GPR155: variants seen among roughly 807,000 people sequenced by gnomAD.
GPR155 encodes the protein lysosomal cholesterol signaling protein.
Under a neutral mutation model 93.1 loss-of-function variants are expected in GPR155, and 65 were observed. The ratio of observed to expected loss-of-function variants is 0.70; its 90% CI spans 0.57 to 0.86. The LOEUF is 0.86. Ranked by LOEUF, GPR155 falls within the 40% of genes least tolerant of loss-of-function variation. The pLI is 0.00. For missense variants in GPR155, 838 were observed against 1,034.8 expected (o/e 0.81, Z 2.61); for synonymous variants, 319 against 360.1 (o/e 0.89, Z 1.29).
intron 11 of GPR155, among the ~76,000 whole-genome samples, chr2:174,447,270 G>C (rs1310916779): frequency 1.3e-5 from 2 of 150,840 alleles, no homozygotes; most frequent in Non-Finnish European, 2.9e-5. Context: ...CCAGGAGGCA[G>C]AGGTTGTGGT....
chr2:174,441,377 G>C (rs1053096157), intron 14 of GPR155, among the ~76,000 whole-genome samples: 2 of 150,206 alleles, frequency 1.3e-5, no homozygotes, highest in African/African-American at 4.9e-5. Flanking sequence ...GGCATCACAG[G>C]GCTAATTTTA....
Position 174,473,330 on chromosome 2 carries a change from A to C in GPR155, c.495T>G (p.Tyr165Ter). The change falls in exon 3 of 16, where the codon TAT (tyrosine) becomes TAG (stop). Residue 165 changes from tyrosine (Y) to a stop codon, truncating the protein, a stop_gained. Coordinates refer to ENST00000392552, the MANE Select transcript of GPR155 (RefSeq NM_152529.7). LOFTEE classifies it high-confidence loss of function. ...EALYQTTYPEYLQYIYLVAPI... is the reference protein window; with the variant it reads ...EALYQTTYPE Reference sequence around the variant, plus strand: ...GTGCCACCAAATAAATGTACTGGAGATATTCTGGGTATGTAGTTTGATATA... The same window carrying C: ...GTGCCACCAAATAAATGTACTGGAGCTATTCTGGGTATGTAGTTTGATATA... 1 of 1,598,716 alleles carries C rather than the reference A, an allele frequency of 6.3e-7. No homozygotes were observed. Among genetic ancestry groups the C allele is most frequent in the Non-Finnish European group, 8.5e-7 (1 of 1,172,150 alleles).
chr2:174,481,284 A>G (rs1688311393), intron 2 of GPR155, among the ~76,000 whole-genome samples: 1 of 152,300 alleles, frequency 6.6e-6, no homozygotes, highest in Non-Finnish European at 1.5e-5. Flanking sequence ...GACTGTTCAC[A>G]GTGGTTATTA....
At chr2:174,454,726 G>A (rs1195310641) in intron 10 of GPR155, among the ~76,000 whole-genome samples, 2 of 142,670 alleles carry the variant, frequency 1.4e-5, no homozygotes, top group African/African-American at 2.6e-5. Context: ...AGGGAAGAAA[G>A]GGAAGGGAAG....
At chr2:174,447,351 A>G (rs1469870428) in intron 11 of GPR155, among the ~76,000 whole-genome samples, 1 of 147,112 alleles carries the variant, frequency 6.8e-6, no homozygotes. Context: ...AAAATTATAT[A>G]TAATTTTTAT....
At chr2:174,466,041 TG>T in intron 6 of GPR155, 139 bp from the exon 7 acceptor site, 1 of 565,122 alleles carries the variant, frequency 1.8e-6, no homozygotes, top group Non-Finnish European at 3.2e-6. Flanking sequence ...TAAAATTTTT[TG>T]TGAATAATTA....
intron 4 of GPR155, among the ~76,000 whole-genome samples, chr2:174,469,441 C>T (rs1394262060): frequency 6.6e-6 from 1 of 152,068 alleles, no homozygotes; most frequent in Non-Finnish European, 1.5e-5. Context: ...AGAAAATTAC[C>T]ATGCAAATAT....
Position 174,461,670 on chromosome 2 carries a change from G to C in GPR155, c.1387C>G (p.Leu463Val), listed in dbSNP as rs1430024025. 6.4e-7 allele frequency: 1 copy of C among 1,557,776 alleles called. No individual in the cohort carries two copies. ...AAAAGAAACAAAGAAATTGCTAGAA[G>C]GCCTAAGAATAAGAAGATTGAAAGA... The part of the protein sequence containing the change: ...SLYSTYLWTG[L>V]LAISLFLLKK... Residue 463 changes from leucine (L) to valine (V), a missense_variant and splice_region_variant, in exon 8 of 16, where the codon CTT (leucine) becomes GTT (valine). Physicochemically the swap from Leu to Val is conservative, Grantham distance 32 (BLOSUM62 1). Around this residue, in one of 3 missense-constraint regions of GPR155, gnomAD observed 663 missense variants for 790.1 expected, o/e 0.84. Coordinates refer to ENST00000392552, the MANE Select transcript of GPR155 (RefSeq NM_152529.7).
At chr2:174,463,898 T>C (rs1687769245) in intron 7 of GPR155, among the ~76,000 whole-genome samples, 1 of 152,232 alleles carries the variant, frequency 6.6e-6, no homozygotes, top group Non-Finnish European at 1.5e-5. Context: ...AAATTGACAT[T>C]GAGGTCCTTG....
chr2:174,461,806 C>T (rs1382091176), intron 7 of GPR155, 134 bp from the exon 8 acceptor site: 4 of 598,256 alleles, frequency 6.7e-6, no homozygotes, highest in African/African-American at 1.9e-5. Flanking sequence ...GAATTTCTTC[C>T]TTCTAAATAA....
chr2:174,436,790 A>G (rs13031186), intron 15 of GPR155, among the ~76,000 whole-genome samples: 40,634 of 152,154 alleles, frequency 0.27, 6,196 homozygotes, highest in Middle Eastern at 0.54. Flanking sequence ...ATACTAAGTA[A>G]TTTGTGTCAG....
chr2:174,454,504 A>C (rs1183001833), intron 10 of GPR155, among the ~76,000 whole-genome samples: 1 of 152,104 alleles, frequency 6.6e-6, no homozygotes, highest in African/African-American at 2.4e-5. Flanking sequence ...AGCTTTTTAA[A>C]AAATAGCTGG....
At chr2:174,445,275 A>C (rs35783513) in intron 12 of GPR155, 99 bp from the exon 13 acceptor site, 1 of 641,460 alleles carries the variant, frequency 1.6e-6, no homozygotes, top group Non-Finnish European at 2.8e-6. Context: ...TAATAATTAC[A>C]GGGAAAAAGA....
At chr2:174,441,597 G>A (rs926190495) in intron 14 of GPR155, among the ~76,000 whole-genome samples, 5 of 151,558 alleles carry the variant, frequency 3.3e-5, no homozygotes, top group Admixed American at 6.6e-5. Flanking sequence ...CCTACCCCAC[G>A]ACAGGCCCCG....
rs56092284 is a variant in GPR155 at position 174,471,991 on chromosome 2, G to A, written c.860+974C>T. On this transcript the variant is annotated intron_variant, in intron 3 of 15. Transcript: ENST00000392552. ...TGAATATAACTGTCTATACATGAGG[G>A]GAATTCCATAGTTAAGTATGCCTCA... Among the ~76,000 whole-genome samples, 1,100 of 152,208 alleles carry A rather than the reference G, an allele frequency of 7.2e-3. 11 individuals are homozygous for A. The highest frequency in any genetic ancestry group is 0.025 in the African/African-American group (1,049 of 41,510).
At chr2:174,447,196 G>C (rs1687157374) in intron 11 of GPR155, among the ~76,000 whole-genome samples, 1 of 151,400 alleles carries the variant, frequency 6.6e-6, no homozygotes, top group Non-Finnish European at 1.5e-5. Context: ...AATTAACTGG[G>C]TGTGGTGGCG....
chr2:174,438,544 T>C (rs1686858444), intron 15 of GPR155, among the ~76,000 whole-genome samples: 1 of 152,158 alleles, frequency 6.6e-6, no homozygotes, highest in African/African-American at 2.4e-5. Context: ...AGTCTTGCTC[T>C]GTTGCCCAGC....
intron 10 of GPR155, among the ~76,000 whole-genome samples, chr2:174,457,395 T>G (rs1242250021): frequency 1.3e-5 from 2 of 152,336 alleles, no homozygotes; most frequent in East Asian, 3.9e-4. Flanking sequence ...TTAATATATT[T>G]GATTACAAAT....
chr2:174,459,784 G>T, intron 10 of GPR155, 94 bp downstream of exon 10: 1 of 836,470 alleles, frequency 1.2e-6, no homozygotes, highest in Non-Finnish European at 1.9e-6. Flanking sequence ...GGCGGAGGTT[G>T]CAGTGAGCTG....
Sources: allele counts gnomAD v4.1 joint callset (sites outside exome capture counted in the v4.1 genomes callset), GRCh38; gene constraint gnomAD v4.1.1; regional missense constraint gnomAD v4.1.1; transcripts MANE v1.5; gene names NCBI Gene and HGNC (gene_info 2026-07-23, HGNC 2026-07-21).